LYST: variants seen among roughly 807,000 people sequenced by gnomAD.
LYST encodes the protein lysosomal trafficking regulator, also known as lysosomal-trafficking regulator.
LYST carries 192 observed loss-of-function variants against 413.6 expected under a neutral mutation model. The observed-to-expected ratio is 0.46, with a 90% CI of 0.41 to 0.52. The LOEUF (loss-of-function observed/expected upper bound fraction) is 0.52, where lower values mean the gene tolerates loss of function less well. Ranked by LOEUF, LYST falls within the 20% of genes least tolerant of loss-of-function variation. LYST has a pLI of 0.00. For synonymous variants in LYST, 1,525 were observed against 1,567.3 expected, an observed-to-expected ratio of 0.97 and a Z score of 0.64; for missense variants, 3,815 against 4,499.9, an observed-to-expected ratio of 0.85 and a Z score of 4.35.
In LYST at chr1:235,791,751, T is replaced by C. The variant is rs1235513853; in HGVS notation, c.4491A>G (p.Ile1497Met). The C allele has an allele frequency of 6.2e-7, 1 of 1,613,566 alleles. No individual in the cohort carries two copies. The highest frequency in any genetic ancestry group is 8.5e-7 in the Non-Finnish European group (1 of 1,179,574). The change falls in exon 12 of 53, where the codon ATA becomes ATG. Residue 1497 changes from isoleucine (I) to methionine (M), a missense_variant. By Grantham distance (10) the Ile-to-Met change is conservative. This residue lies in a region of LYST where 1,648 missense variants were observed against 1,810.3 expected (regional missense o/e 0.91). Transcript: ENST00000389793. ...AAATTAATGATTTGTTTCTTTTCTT[T>C]ATCTTCTTTCCTTTTTCTGTAGTAC... is the stretch of plus-strand genomic sequence containing the variant. ...AESTTEKGKKIKKRNKSLILP... is the reference protein window; with the variant it reads ...AESTTEKGKKMKKRNKSLILP...
chr1:235,732,398 G>A (rs901408456), intron 34 of LYST, among the ~76,000 whole-genome samples: 1 of 151,974 alleles, frequency 6.6e-6, no homozygotes, highest in African/African-American at 2.4e-5. Context: ...GAACTCCTGG[G>A]CTCAAGTGAT....
chr1:235,717,288 A>G (rs1321454003), intron 40 of LYST, among the ~76,000 whole-genome samples: 2 of 152,354 alleles, frequency 1.3e-5, no homozygotes, highest in East Asian at 3.9e-4. Flanking sequence ...TGAGATTTGG[A>G]GACTGAGAAC....
chr1:235,865,144 G>T (rs1418983376), intron 1 of LYST, among the ~76,000 whole-genome samples: 5 of 152,052 alleles, frequency 3.3e-5, no homozygotes, highest in Admixed American at 3.3e-4. Context: ...CAGCACACAG[G>T]GCTTCTGCAA....
rs184581131 is a variant in LYST, at chr1:235,798,788, G to A, written c.4006+1532C>T. ...ATTTATATGAAAAATATCCAGAAAA[G>A]GAAGTAGATGAGTGATTGCCAGGGG... On this transcript the variant is annotated intron_variant, in intron 10 of 52. Transcript: ENST00000389793. Among the ~76,000 whole-genome samples the A allele has an allele frequency of 1.3e-3, 205 of 152,178 alleles. No individual in the cohort carries two copies. In the South Asian group the frequency reaches 0.016, roughly 12 times the overall value.
intron 47 of LYST, among the ~76,000 whole-genome samples, chr1:235,690,324 G>A (rs963307881): frequency 5.9e-5 from 9 of 152,004 alleles, no homozygotes; most frequent in African/African-American, 1.7e-4. Context: ...TCCCAAAAAG[G>A]GTGCAGTAAG....
chr1:235,698,846 C>T (rs1661319960), intron 45 of LYST, among the ~76,000 whole-genome samples: 1 of 152,022 alleles, frequency 6.6e-6, no homozygotes, highest in Non-Finnish European at 1.5e-5. Flanking sequence ...GCACTTCAGT[C>T]TGGGCAACAA....
At chr1:235,799,405 G>A (rs1263615546) in intron 10 of LYST, among the ~76,000 whole-genome samples, 1 of 152,062 alleles carries the variant, frequency 6.6e-6, no homozygotes, top group Non-Finnish European at 1.5e-5. Context: ...GAGAAACTTG[G>A]CAAACACCTC....
upstream of LYST, among the ~76,000 whole-genome samples, chr1:235,871,334 G>A (rs1012571522): frequency 4.6e-5 from 7 of 152,128 alleles, no homozygotes; most frequent in South Asian, 2.1e-4. Flanking sequence ...AATAAAGGCC[G>A]GATAAAAGCA....
At chr1:235,753,928 A>G (rs374238501) in intron 25 of LYST, among the ~76,000 whole-genome samples, 1 of 152,342 alleles carries the variant, frequency 6.6e-6, no homozygotes, top group East Asian at 1.9e-4. Context: ...GAATTTGTCT[A>G]TCACAATAAG....
intron 25 of LYST, among the ~76,000 whole-genome samples, chr1:235,754,869 T>C (rs1666857900): frequency 6.7e-6 from 1 of 149,512 alleles, no homozygotes; most frequent in Non-Finnish European, 1.5e-5. Context: ...AGGTCAGGAG[T>C]TTGAGACCAG....
intron 16 of LYST, among the ~76,000 whole-genome samples, chr1:235,778,591 C>G (rs1319969437): frequency 6.6e-6 from 1 of 151,654 alleles, no homozygotes; most frequent in East Asian, 2.0e-4. Context: ...CCAGGCTGGT[C>G]TCGAACTGGC....
chr1:235,803,542 A>G (rs958148809), intron 7 of LYST, among the ~76,000 whole-genome samples: 1 of 152,160 alleles, frequency 6.6e-6, no homozygotes, highest in Non-Finnish European at 1.5e-5. Context: ...TCAGAATGCA[A>G]CTGTCTACAT....
chr1:235,808,475 C>T lies in LYST; in HGVS notation c.2343G>A (p.Leu781=), dbSNP rs763371480. 1.2e-6 allele frequency: 2 copies of T among 1,613,382 alleles called. No homozygotes were observed. Among genetic ancestry groups the T allele is most frequent in the Non-Finnish European group, 1.7e-6 (2 of 1,179,764 alleles). The change falls in exon 5 of 53, where the codon CTG becomes CTA. Residue 781 remains leucine, a synonymous_variant. Transcript: ENST00000389793. ...CAAACCTGGATTTAAGCAGGATAGG[C>T]AGAGTTTTTACATAAATCTGAAGCA... ...QDVLQIYVKT[L]PILLKSRVIR...
chr1:235,840,692 CA>C (rs753801757), intron 1 of LYST, among the ~76,000 whole-genome samples: 6 of 152,128 alleles, frequency 3.9e-5, no homozygotes, highest in Admixed American at 3.9e-4. Flanking sequence ...GTGGCATGGT[CA>C]ATCTTGAACA....
At chr1:235,712,977 T>C (rs1391289960) in intron 42 of LYST, 3 of 985,322 alleles carry the variant, frequency 3.0e-6, no homozygotes, top group Non-Finnish European at 3.6e-6. Context: ...TTAGGAACCA[T>C]ATTGCATCAT....
chr1:235,838,517 T>C (rs918305810), intron 1 of LYST, among the ~76,000 whole-genome samples: 1 of 152,228 alleles, frequency 6.6e-6, no homozygotes, highest in Non-Finnish European at 1.5e-5. Flanking sequence ...TTAAGTATAA[T>C]ATTTGAAAAT....
intron 43 of LYST, among the ~76,000 whole-genome samples, chr1:235,710,248 A>G (rs566933941): frequency 6.6e-6 from 1 of 152,314 alleles, no homozygotes; most frequent in Admixed American, 6.5e-5. Context: ...GTTTATATAA[A>G]TTCACATGGG....
chr1:235,737,999 C>A, intron 31 of LYST: 2 of 1,476,294 alleles, frequency 1.4e-6, no homozygotes, highest in South Asian at 2.7e-5. Context: ...AATATACTCT[C>A]AAGTATACGC....
intron 11 of LYST, 130 bp downstream of exon 11, chr1:235,793,373 T>C (rs938769367): frequency 3.7e-6 from 2 of 542,726 alleles, no homozygotes; most frequent in East Asian, 6.1e-5. Flanking sequence ...AACATGAAAT[T>C]GCCTATACCA....
Sources: gnomAD v4.1 joint callset for allele counts (sites outside exome capture counted in the v4.1 genomes callset) on GRCh38, gnomAD v4.1.1 for gene constraint, gnomAD v4.1.1 regional missense constraint, MANE v1.5 for transcripts, NCBI Gene and HGNC (gene_info 2026-07-23, HGNC 2026-07-21) for gene names.